RBM47: variants seen among roughly 807,000 people sequenced by gnomAD.
RBM47 encodes the protein RNA binding motif protein 47.
In RBM47, 21 loss-of-function variants were observed where a neutral mutation model predicts 47.1. That is an observed-to-expected ratio of 0.45 (90% CI 0.32 to 0.64). RBM47 has a LOEUF of 0.64. RBM47 is among the 30% of genes least tolerant of loss of function. RBM47 has a pLI of 0.05. For missense variants in RBM47, 708 were observed against 870.9 expected (o/e 0.81, Z 2.35); for synonymous variants, 375 against 361.7 (o/e 1.04, Z -0.42).
intron 1 of RBM47, among the ~76,000 whole-genome samples, chr4:40,604,252 T>C (rs1006015884): frequency 1.3e-5 from 2 of 152,166 alleles, no homozygotes; most frequent in African/African-American, 4.8e-5. Flanking sequence ...TGAGATGCTT[T>C]AAGAGAAGTT....
intron 3 of RBM47, among the ~76,000 whole-genome samples, chr4:40,446,429 A>T (rs1714533237): frequency 6.6e-6 from 1 of 152,176 alleles, no homozygotes; most frequent in African/African-American, 2.4e-5. Context: ...TGATCAAGGA[A>T]TGTTAGCACA....
chr4:40,563,402 G>A (rs1730812976), intron 1 of RBM47, among the ~76,000 whole-genome samples: 1 of 143,088 alleles, frequency 7.0e-6, no homozygotes, highest in Non-Finnish European at 1.5e-5. Flanking sequence ...TTAAATGGCT[G>A]TAGAAGCGGT....
intron 5 of RBM47, 100 bp from the exon 6 acceptor site, chr4:40,432,962 A>G: frequency 6.8e-7 from 1 of 1,467,966 alleles, no homozygotes; most frequent in Non-Finnish European, 9.0e-7. Flanking sequence ...ATTTTTTTAA[A>G]AACTTTTCTT....
intron 5 of RBM47, among the ~76,000 whole-genome samples, chr4:40,435,411 T>A (rs1469431083): frequency 2.0e-5 from 3 of 151,962 alleles, no homozygotes; most frequent in African/African-American, 7.2e-5. Context: ...TAGCCAGGCA[T>A]GGTGGTGCGC....
intron 2 of RBM47, among the ~76,000 whole-genome samples, chr4:40,525,809 T>C (rs927399494): frequency 6.6e-6 from 1 of 152,070 alleles, no homozygotes; most frequent in Non-Finnish European, 1.5e-5. Context: ...GCAGTGAGCA[T>C]CAGAAAGAAA....
chr4:40,467,832 C>A (rs1170212252), intron 2 of RBM47, among the ~76,000 whole-genome samples: 1 of 152,122 alleles, frequency 6.6e-6, no homozygotes, highest in East Asian at 1.9e-4. Context: ...CAGAGAGCCC[C>A]CATCAAGCCA....
chr4:40,603,264 T>C (rs1289240816), intron 1 of RBM47, among the ~76,000 whole-genome samples: 1 of 152,188 alleles, frequency 6.6e-6, no homozygotes, highest in African/African-American at 2.4e-5. Flanking sequence ...TTTAAGCACA[T>C]TTTTGCATAC....
At chr4:40,539,769 A>AG (rs1728329506) in intron 2 of RBM47, among the ~76,000 whole-genome samples, 1 of 131,328 alleles carries the variant, frequency 7.6e-6, no homozygotes, top group African/African-American at 2.8e-5. Flanking sequence ...AAAAAAAAAA[A>AG]GATATATCTT....
intron 2 of RBM47, among the ~76,000 whole-genome samples, chr4:40,471,510 C>T (rs2154237199): frequency 6.6e-6 from 1 of 152,152 alleles, no homozygotes; most frequent in South Asian, 2.1e-4. Flanking sequence ...CCAGCCTGGC[C>T]AACCTGGTGA....
At chr4:40,589,090 C>T (rs1457187006) in intron 1 of RBM47, among the ~76,000 whole-genome samples, 4 of 146,424 alleles carry the variant, frequency 2.7e-5, no homozygotes, top group Non-Finnish European at 4.5e-5. Flanking sequence ...TCTCCCACCT[C>T]AGGCTCCCAA....
chr4:40,479,660 C>T (rs1160419927), intron 2 of RBM47, among the ~76,000 whole-genome samples: 1 of 151,374 alleles, frequency 6.6e-6, no homozygotes, highest in Non-Finnish European at 1.5e-5. Flanking sequence ...AATTGGCATC[C>T]TTGGTTTATT....
chr4:40,577,441 A>T (rs138076176), intron 1 of RBM47, among the ~76,000 whole-genome samples: 3 of 152,226 alleles, frequency 2.0e-5, no homozygotes, highest in Non-Finnish European at 4.4e-5. Context: ...CAGAAAGATC[A>T]GGGAGTTAAT....
intron 1 of RBM47, among the ~76,000 whole-genome samples, chr4:40,608,978 C>T (rs1423428208): frequency 6.6e-6 from 1 of 151,688 alleles, no homozygotes; most frequent in African/African-American, 2.4e-5. Flanking sequence ...TGTCTCCATA[C>T]CTCTTCTTTT....
intron 1 of RBM47, among the ~76,000 whole-genome samples, chr4:40,616,733 G>A (rs1405552204): frequency 1.3e-5 from 2 of 151,834 alleles, no homozygotes; most frequent in African/African-American, 2.4e-5. Context: ...ACAAAAGTTA[G>A]GTAAGAGACA....
chr4:40,472,477 A>G (rs1577721682), intron 2 of RBM47, among the ~76,000 whole-genome samples: 1 of 150,540 alleles, frequency 6.6e-6, no homozygotes, highest in Non-Finnish European at 1.5e-5. Context: ...CAGGAGAATC[A>G]CTTAAACCTG....
intron 1 of RBM47, among the ~76,000 whole-genome samples, chr4:40,579,773 G>C (rs1332761272): frequency 1.3e-5 from 2 of 149,010 alleles, no homozygotes; most frequent in East Asian, 3.9e-4. Flanking sequence ...TTTGAGACTA[G>C]GTCTCACTCT....
intron 1 of RBM47, among the ~76,000 whole-genome samples, chr4:40,573,707 G>A (rs568655000): frequency 1.2e-4 from 18 of 149,732 alleles, no homozygotes; most frequent in Middle Eastern, 3.4e-3. Context: ...TCCAGCCTGG[G>A]GAAGAGACAG....
At chr4:40,503,655 T>C (rs1292432954) in intron 2 of RBM47, among the ~76,000 whole-genome samples, 3 of 152,142 alleles carry the variant, frequency 2.0e-5, no homozygotes, top group African/African-American at 7.2e-5. Context: ...AGAAATAATA[T>C]GTATTATATG....
chr4:40,626,628 A>G (rs1469859989), intron 1 of RBM47, among the ~76,000 whole-genome samples: 1 of 152,146 alleles, frequency 6.6e-6, no homozygotes. Context: ...CACCTTTTTC[A>G]GAGCAAAAGA....
Sources: allele counts gnomAD v4.1 joint callset (sites outside exome capture counted in the v4.1 genomes callset), GRCh38; gene constraint gnomAD v4.1.1; transcripts MANE v1.5; gene names NCBI Gene and HGNC (gene_info 2026-07-23, HGNC 2026-07-21).